Variants in GNB5 observed in about 807,000 individuals in gnomAD.
GNB5 encodes guanine nucleotide-binding protein subunit beta-5.
Under a neutral mutation model 55.3 loss-of-function variants are expected in GNB5, and 37 were observed. The ratio of observed to expected loss-of-function variants is 0.67; its 90% CI spans 0.51 to 0.88. The LOEUF is 0.88. Among genes scored for constraint, GNB5 ranks in the 40% least tolerant of loss-of-function variants. GNB5 has a pLI of 0.00. For synonymous variants in GNB5, 219 were observed against 198.5 expected (o/e 1.10, Z -0.87); for missense variants, 476 against 515.3 (o/e 0.92, Z 0.74).
chr15:52,174,886 A>G (rs1000991913), intron 3 of GNB5, among the ~76,000 whole-genome samples: 3 of 152,144 alleles, frequency 2.0e-5, no homozygotes, highest in Admixed American at 2.0e-4. Context: ...GTTCGAGACC[A>G]GCTTGGCCAA....
chr15:52,183,819 A>C (rs1223738058), intron 2 of GNB5, among the ~76,000 whole-genome samples: 1 of 152,208 alleles, frequency 6.6e-6, no homozygotes, highest in East Asian at 1.9e-4. Flanking sequence ...ACTAATTCTT[A>C]GGGCTTCAGT....
chr15:52,170,449 G>T (rs2034534935), intron 3 of GNB5, among the ~76,000 whole-genome samples: 1 of 152,180 alleles, frequency 6.6e-6, no homozygotes, highest in African/African-American at 2.4e-5. Context: ...AACTAAGGCA[G>T]AAACAGAAAA....
intron 4 of GNB5, among the ~76,000 whole-genome samples, chr15:52,151,149 G>A (rs1042926938): frequency 5.9e-5 from 9 of 152,152 alleles, no homozygotes; most frequent in Non-Finnish European, 1.3e-4. Context: ...CTGCCTAAAT[G>A]GCCACACACA....
At chr15:52,136,556 G>T (rs2033728932) in intron 7 of GNB5, among the ~76,000 whole-genome samples, 3 of 152,174 alleles carry the variant, frequency 2.0e-5, no homozygotes, top group African/African-American at 7.2e-5. Context: ...GGGCACACTG[G>T]GAGCAGCAGG....
At chr15:52,131,170 G>A (rs1383961513) in intron 9 of GNB5, among the ~76,000 whole-genome samples, 3 of 152,158 alleles carry the variant, frequency 2.0e-5, no homozygotes, top group African/African-American at 7.2e-5. Context: ...CCATAGCCAT[G>A]GATTCCACAC....
intron 7 of GNB5, 84 bp from the exon 8 acceptor site, chr15:52,135,840 AG>A: frequency 1.7e-6 from 2 of 1,163,434 alleles, no homozygotes; most frequent in Non-Finnish European, 2.5e-6. Flanking sequence ...AACGTTCCGC[AG>A]GGAAAAGCAG....
chr15:52,149,877 G>T lies in GNB5; in HGVS notation c.417+7C>A. On this transcript the variant is annotated splice_region_variant and intron_variant, in intron 5 of 12. Transcript: ENST00000261837. Reference sequence around the variant, plus strand: ...CCTCTATAACGTGGCTGGGAACAATGCCTCACCTTGTTTGTGGTGAAGGAA... The same window carrying T: ...CCTCTATAACGTGGCTGGGAACAATTCCTCACCTTGTTTGTGGTGAAGGAA... The T allele has an allele frequency of 1.2e-6, 2 of 1,606,018 alleles. No homozygotes were observed. Among genetic ancestry groups the T allele is most frequent in the Non-Finnish European group, 1.7e-6 (2 of 1,172,598 alleles).
intron 9 of GNB5, chr15:52,128,785 T>A (rs2414134): frequency 0.086 from 38,991 of 454,290 alleles, 5,128 homozygotes; most frequent in African/African-American, 0.42. Flanking sequence ...GCCAATTAAA[T>A]CACATTCAAT....
intron 1 of GNB5, among the ~76,000 whole-genome samples, chr15:52,186,030 C>T (rs775307793): frequency 2.0e-5 from 3 of 152,106 alleles, no homozygotes; most frequent in Non-Finnish European, 4.4e-5. Context: ...CCACCCACCT[C>T]GGCCTCCCGA....
intron 6 of GNB5, chr15:52,143,882 G>C (rs2033913221): frequency 6.6e-6 from 1 of 152,242 alleles, no homozygotes; most frequent in African/African-American, 2.4e-5. Flanking sequence ...GCGATAAGGA[G>C]TCAGTATTAG....
intron 5 of GNB5, among the ~76,000 whole-genome samples, chr15:52,148,623 G>A (rs1279526161): frequency 6.6e-6 from 1 of 152,214 alleles, no homozygotes; most frequent in Non-Finnish European, 1.5e-5. Context: ...CAGCCAGCCA[G>A]CAGCCAGGGA....
intron 3 of GNB5, among the ~76,000 whole-genome samples, chr15:52,160,899 G>A (rs893955830): frequency 3.3e-5 from 5 of 152,162 alleles, no homozygotes; most frequent in Non-Finnish European, 7.3e-5. Context: ...TTGTCCCAGG[G>A]CTACCATGAT....
intron 10 of GNB5, among the ~76,000 whole-genome samples, chr15:52,127,512 A>G (rs1469602294): frequency 6.6e-6 from 1 of 152,084 alleles, no homozygotes; most frequent in Admixed American, 6.5e-5. Context: ...GTTACAATAT[A>G]TTTCCATATA....
Position 52,115,389 on chromosome 15 carries a change from C to T in GNB5, c.*7368G>A, listed in dbSNP as rs1462532824. ...AACTTGGAAGCTGTGCAGCTATGGG[C>T]AAGTTATTCAACTCTCCTAACCTCA... On this transcript the variant is annotated 3_prime_UTR_variant, in exon 13 of 13. Coordinates refer to ENST00000261837, the MANE Select transcript of GNB5 (RefSeq NM_016194.4). The T allele has an allele frequency of 2.0e-5, 3 of 152,172 alleles. No homozygotes were observed. Among genetic ancestry groups the T allele is most frequent in the African/African-American group, 2.4e-5 (1 of 41,428 alleles). The allele number at this position is 152,172 out of a possible 1,614,324, so 9.4% of individuals were successfully genotyped here.
chr15:52,140,412 C>T (rs2435085), intron 7 of GNB5, among the ~76,000 whole-genome samples: 3,924 of 152,258 alleles, frequency 0.026, 193 homozygotes, highest in African/African-American at 0.091. Flanking sequence ...GGAGTGGCAG[C>T]GGTCCCTCTT....
intron 3 of GNB5, among the ~76,000 whole-genome samples, chr15:52,170,932 T>C (rs1453534488): frequency 6.9e-6 from 1 of 144,148 alleles, no homozygotes; most frequent in Non-Finnish European, 1.5e-5. Flanking sequence ...ATGGCTAAAC[T>C]ATAAAAAAAA....
chr15:52,181,628 A>T (rs2034772380), intron 2 of GNB5, among the ~76,000 whole-genome samples: 1 of 151,856 alleles, frequency 6.6e-6, no homozygotes, highest in South Asian at 2.1e-4. Flanking sequence ...CAAAAACAAA[A>T]ACAAAAACAA....
At chr15:52,128,622 G>A (rs748088210) in intron 9 of GNB5, 1 of 503,476 alleles carries the variant, frequency 2.0e-6, no homozygotes, top group Non-Finnish European at 3.9e-6. Context: ...CACATTGGAT[G>A]TCTGCACTGA....
At chr15:52,128,773 G>T in intron 9 of GNB5, 1 of 455,494 alleles carries the variant, frequency 2.2e-6, no homozygotes, top group Non-Finnish European at 4.4e-6. Context: ...ATCTGGCATG[G>T]TGCCAATTAA....
Sources: gnomAD v4.1 joint callset for allele counts (sites outside exome capture counted in the v4.1 genomes callset) on GRCh38, gnomAD v4.1.1 for gene constraint, MANE v1.5 for transcripts, NCBI Gene and HGNC (gene_info 2026-07-23, HGNC 2026-07-21) for gene names.